Variants in GPR137B observed in about 807,000 individuals in gnomAD.
GPR137B encodes the protein G protein-coupled receptor 137B.
GPR137B carries 42 observed loss-of-function variants against 42.5 expected under a neutral mutation model. The ratio of observed to expected loss-of-function variants is 0.99; its 90% CI spans 0.77 to 1.28. The LOEUF (loss-of-function observed/expected upper bound fraction) is 1.28. Among genes scored for constraint, GPR137B ranks in the 50% most tolerant of loss-of-function variants. The pLI, the probability that GPR137B is intolerant of heterozygous loss-of-function variation, is 0.00. For synonymous variants in GPR137B, 218 were observed against 209.7 expected, an observed-to-expected ratio of 1.04 and a Z score of -0.34; for missense variants, 487 against 493.9, an observed-to-expected ratio of 0.99 and a Z score of 0.13.
chr1:236,187,901 A>G (rs1663079610), intron 5 of GPR137B, among the ~76,000 whole-genome samples: 1 of 152,132 alleles, frequency 6.6e-6, no homozygotes, highest in Non-Finnish European at 1.5e-5. Flanking sequence ...ATAGCATTGA[A>G]TCTGTAAATT....
chr1:236,184,179 C>G (rs9660529), intron 5 of GPR137B, among the ~76,000 whole-genome samples: 4 of 152,084 alleles, frequency 2.6e-5, no homozygotes, highest in Admixed American at 1.3e-4. Flanking sequence ...TTTTAATGCA[C>G]CATTGCCTCA....
At chr1:236,185,256 C>T (rs1390324143) in intron 5 of GPR137B, among the ~76,000 whole-genome samples, 1 of 152,176 alleles carries the variant, frequency 6.6e-6, no homozygotes, top group African/African-American at 2.4e-5. Flanking sequence ...TAAAGGAATA[C>T]ACTGCAGGTG....
chr1:236,183,444 T>A (rs1662937731), intron 4 of GPR137B, among the ~76,000 whole-genome samples: 1 of 152,140 alleles, frequency 6.6e-6, no homozygotes, highest in African/African-American at 2.4e-5. Flanking sequence ...GGGCATGAAA[T>A]ATTAAAACAT....
At chr1:236,184,362 A>G (rs1558490730) in intron 5 of GPR137B, among the ~76,000 whole-genome samples, 1 of 152,210 alleles carries the variant, frequency 6.6e-6, no homozygotes, top group Non-Finnish European at 1.5e-5. Context: ...CATCATTGTA[A>G]GGAATGCTAA....
intron 3 of GPR137B, 89 bp downstream of exon 3, chr1:236,178,725 A>C (rs1662767310): frequency 1.5e-6 from 1 of 668,080 alleles, no homozygotes; most frequent in South Asian, 1.6e-5. Flanking sequence ...GATGAATTTT[A>C]GACTTGATTT....
chr1:236,152,928 C>T (rs868334230), intron 1 of GPR137B, among the ~76,000 whole-genome samples: 33 of 151,528 alleles, frequency 2.2e-4, no homozygotes, highest in African/African-American at 7.5e-4. Context: ...CAGTGGCGGG[C>T]GCCTGTAATC....
chr1:236,180,955 G>A (rs1436653371), intron 4 of GPR137B, among the ~76,000 whole-genome samples: 1 of 152,142 alleles, frequency 6.6e-6, no homozygotes, highest in Non-Finnish European at 1.5e-5. Context: ...ATAAATGTAA[G>A]ATGATATTAT....
At chr1:236,162,819 G>C (rs930012840) in intron 1 of GPR137B, among the ~76,000 whole-genome samples, 2 of 152,246 alleles carry the variant, frequency 1.3e-5, no homozygotes, top group African/African-American at 2.4e-5. Context: ...AAAGTTTGCT[G>C]TGGGGGTGGG....
At chr1:236,162,065 T>C (rs1353752936) in intron 1 of GPR137B, among the ~76,000 whole-genome samples, 1 of 152,196 alleles carries the variant, frequency 6.6e-6, no homozygotes, top group Non-Finnish European at 1.5e-5. Flanking sequence ...TCTAGAGACT[T>C]ATTGAATGGC....
At chr1:236,200,069 G>A (rs1266225864) in intron 5 of GPR137B, among the ~76,000 whole-genome samples, 1 of 151,918 alleles carries the variant, frequency 6.6e-6, no homozygotes, top group Non-Finnish European at 1.5e-5. Flanking sequence ...TTATCATTCA[G>A]TTCTAAGAAT....
At chr1:236,182,096 T>G (rs946090568) in intron 4 of GPR137B, among the ~76,000 whole-genome samples, 3 of 152,052 alleles carry the variant, frequency 2.0e-5, no homozygotes, top group Non-Finnish European at 4.4e-5. Context: ...TTTCATCATA[T>G]AGGCCAGGCT....
intron 5 of GPR137B, among the ~76,000 whole-genome samples, chr1:236,188,134 G>A (rs1177000664): frequency 6.6e-6 from 1 of 151,314 alleles, no homozygotes; most frequent in African/African-American, 2.4e-5. Context: ...CTCTGTTATT[G>A]GTGTATAGGA....
chr1:236,192,008 T>C (rs2102920019), intron 5 of GPR137B, among the ~76,000 whole-genome samples: 1 of 152,328 alleles, frequency 6.6e-6, no homozygotes, highest in South Asian at 2.1e-4. Flanking sequence ...CTGCCTTTTT[T>C]TCAGAGATGC....
At chr1:236,185,190 TG>T (rs954739790) in intron 5 of GPR137B, among the ~76,000 whole-genome samples, 12 of 152,292 alleles carry the variant, frequency 7.9e-5, no homozygotes, top group African/African-American at 2.4e-4. Context: ...TGTAATTACA[TG>T]GGAAAAAAGT....
intron 2 of GPR137B, among the ~76,000 whole-genome samples, chr1:236,175,179 G>A (rs1310365526): frequency 6.6e-6 from 1 of 152,146 alleles, no homozygotes. Flanking sequence ...GTGACACAGG[G>A]AGATGCTGTC....
chr1:236,202,015 T>C (rs1225658551), intron 5 of GPR137B, among the ~76,000 whole-genome samples: 1 of 151,984 alleles, frequency 6.6e-6, no homozygotes, highest in Non-Finnish European at 1.5e-5. Flanking sequence ...TTGTTATTGC[T>C]CTTCTTGGTC....
Position 236,171,638 on chromosome 1 carries a change from A to G in GPR137B, c.464+2883A>G, listed in dbSNP as rs1344748890. ...CCTTGCTTGATCCTTGAGCCAAAGT[A>G]TACCTCAAAGACAGGCTGCGCTGAC... On this transcript the variant is annotated intron_variant, in intron 2 of 6. Transcript: ENST00000366592. This position sits in a 1 kb window ranked among gnomAD's most constrained non-coding sequence, Gnocchi z 4.4. Among the ~76,000 whole-genome samples the G allele has an allele frequency of 6.6e-6, 1 of 152,240 alleles. No homozygotes were observed.
intron 1 of GPR137B, 64 bp downstream of exon 1, chr1:236,143,100 G>A (rs2102885535): frequency 1.4e-6 from 2 of 1,453,242 alleles, no homozygotes; most frequent in East Asian, 2.3e-5. Flanking sequence ...GGGCGCCCGA[G>A]GCAGGGGCGA....
intron 1 of GPR137B, among the ~76,000 whole-genome samples, chr1:236,167,683 C>T (rs978670768): frequency 6.6e-6 from 1 of 152,194 alleles, no homozygotes; most frequent in Non-Finnish European, 1.5e-5. Context: ...CCCTGTTAAA[C>T]ACCAGGGATC....
Sources: gnomAD v4.1 joint callset for allele counts (sites outside exome capture counted in the v4.1 genomes callset) on GRCh38, gnomAD v4.1.1 for gene constraint, Gnocchi (gnomAD v3.1) non-coding constraint, MANE v1.5 for transcripts, NCBI Gene and HGNC (gene_info 2026-07-23, HGNC 2026-07-21) for gene names.